The following PIK3C3 variants were observed in gnomAD, a reference collection of about 807,000 sequenced individuals.
PIK3C3 encodes PI3-kinase type 3.
A neutral mutation model predicts 126.1 loss-of-function variants in PIK3C3; 95 were observed. That is an observed-to-expected ratio of 0.75 (90% CI 0.64 to 0.89). The LOEUF (loss-of-function observed/expected upper bound fraction) is 0.89. Ranked by LOEUF, PIK3C3 falls within the 40% of genes least tolerant of loss-of-function variation. The probability of loss-of-function intolerance (pLI) is 0.00; values close to 1 mark genes in which losing one functional copy is unlikely to be tolerated. For missense variants in PIK3C3, 829 were observed against 1,063.2 expected, an observed-to-expected ratio of 0.78 and a Z score of 3.06; for synonymous variants, 374 against 360.0, an observed-to-expected ratio of 1.04 and a Z score of -0.44.
At chr18:42,025,605 C>T (rs1458668816) in intron 13 of PIK3C3, 1 of 152,092 alleles carries the variant, frequency 6.6e-6, no homozygotes, top group African/African-American at 2.4e-5. Context: ...ATTGTTAGTA[C>T]CTTCGATAGA....
intron 24 of PIK3C3, among the ~76,000 whole-genome samples, chr18:42,075,305 A>AT (rs1985933878): frequency 6.6e-6 from 1 of 152,142 alleles, no homozygotes; most frequent in Non-Finnish European, 1.5e-5. Context: ...AAAACAAATT[A>AT]TTTTTAATTT....
At chr18:42,006,445 C>T (rs144393994) in intron 10 of PIK3C3, among the ~76,000 whole-genome samples, 4 of 152,238 alleles carry the variant, frequency 2.6e-5, no homozygotes, top group African/African-American at 9.6e-5. Flanking sequence ...AGTCAATCTT[C>T]AGTTCTCTCT....
chr18:42,076,115 TATATATGC>T (rs1380703826), intron 24 of PIK3C3, among the ~76,000 whole-genome samples: 2 of 73,800 alleles, frequency 2.7e-5, no homozygotes, highest in South Asian at 3.1e-4. Context: ...TATATATATA[TATATATGC>T]GCATATATAT....
At chr18:42,016,591 C>A (rs1257191049) in intron 12 of PIK3C3, among the ~76,000 whole-genome samples, 1 of 152,136 alleles carries the variant, frequency 6.6e-6, no homozygotes, top group Non-Finnish European at 1.5e-5. Flanking sequence ...AAAGTAACAT[C>A]CCTCTAAAAG....
rs997158287 is a variant in PIK3C3, at chr18:42,086,356, T to C, written c.*5219T>C. ...GCATTTCCCCAAACCTCAGAACTCC[T>C]TGGGCCATCACTGTCAGAGACATTT... is the stretch of plus-strand genomic sequence containing the variant. On this transcript the variant is annotated 3_prime_UTR_variant, in exon 25 of 25. Coordinates refer to ENST00000262039, the MANE Select transcript of PIK3C3 (RefSeq NM_002647.4). 3 of 152,268 alleles carry C rather than the reference T, an allele frequency of 2.0e-5. No individual in the cohort carries two copies. The highest frequency in any genetic ancestry group is 7.2e-5 in the African/African-American group (3 of 41,416). The allele number at this position is 152,268 out of a possible 1,614,324, so 9.4% of individuals were successfully genotyped here.
intron 9 of PIK3C3, among the ~76,000 whole-genome samples, chr18:42,002,942 G>A (rs75082420): frequency 4.5e-4 from 68 of 152,298 alleles, no homozygotes; most frequent in African/African-American, 1.6e-3. Flanking sequence ...AGGGGAATGG[G>A]ACTAACTAGG....
rs1986425016 is a variant in PIK3C3, at chr18:42,087,633, A to T, written c.*6496A>T. ...AAAAAGCCTTACCGAGGACTCCCATACCCTTGCTTTCTGCTTAAGTGATTT... is the reference window on the plus strand; with the variant it reads ...AAAAAGCCTTACCGAGGACTCCCATTCCCTTGCTTTCTGCTTAAGTGATTT... On this transcript the variant is annotated 3_prime_UTR_variant, in exon 25 of 25. Transcript: ENST00000262039. 6.6e-6 allele frequency: 1 copy of T among 152,076 alleles called. No individual in the cohort carries two copies. Among genetic ancestry groups the T allele is most frequent in the Non-Finnish European group, 1.5e-5 (1 of 68,024 alleles). The allele number at this position is 152,076 out of a possible 1,614,324, so 9.4% of individuals were successfully genotyped here.
rs1050435248 is a variant in PIK3C3, at chr18:42,086,818, G to A, written c.*5681G>A. 3 of 152,112 alleles carry A rather than the reference G, an allele frequency of 2.0e-5. No homozygotes were observed. Among genetic ancestry groups the A allele is most frequent in the Non-Finnish European group, 4.4e-5 (3 of 68,012 alleles). 9.4% of individuals were successfully genotyped at this position (152,112 alleles called of 1,614,324 possible). On this transcript the variant is annotated 3_prime_UTR_variant, in exon 25 of 25. Transcript: ENST00000262039. ...ATCAAGAAATAATCATTAAAAAATAGCCAACCAGCAGCTCATGCTGCTGGT... is the reference window on the plus strand; with the variant it reads ...ATCAAGAAATAATCATTAAAAAATAACCAACCAGCAGCTCATGCTGCTGGT...
intron 4 of PIK3C3, among the ~76,000 whole-genome samples, chr18:41,984,322 G>A (rs1282235981): frequency 3.3e-5 from 5 of 151,942 alleles, no homozygotes; most frequent in African/African-American, 1.2e-4. Context: ...AAGTTGCTTT[G>A]AACTGATGAA....
At chr18:41,979,760 G>C (rs1032474881) in intron 4 of PIK3C3, among the ~76,000 whole-genome samples, 1 of 151,960 alleles carries the variant, frequency 6.6e-6, no homozygotes, top group Admixed American at 6.6e-5. Flanking sequence ...CTGAATTACA[G>C]CTCTCACTGA....
At chr18:42,032,042 G>C (rs952764957) in intron 15 of PIK3C3, among the ~76,000 whole-genome samples, 2 of 152,234 alleles carry the variant, frequency 1.3e-5, no homozygotes, top group South Asian at 4.1e-4. Context: ...GGCAGTACTT[G>C]TGTCCAGTAG....
chr18:41,993,969 C>T (rs1013054729), intron 7 of PIK3C3, among the ~76,000 whole-genome samples: 1 of 152,140 alleles, frequency 6.6e-6, no homozygotes, highest in African/African-American at 2.4e-5. Context: ...CTTTTAGCAG[C>T]ACGATAGTTA....
intron 6 of PIK3C3, among the ~76,000 whole-genome samples, chr18:41,991,746 C>T (rs540949528): frequency 1.6e-4 from 25 of 152,122 alleles, no homozygotes; most frequent in African/African-American, 5.1e-4. Context: ...ATCCCTTTCA[C>T]GTTAGTGAAA....
intron 16 of PIK3C3, among the ~76,000 whole-genome samples, chr18:42,036,053 A>G (rs900541751): frequency 6.6e-6 from 1 of 152,198 alleles, no homozygotes; most frequent in African/African-American, 2.4e-5. Context: ...CCTGTCATTT[A>G]TCTTTAGGAA....
chr18:42,030,649 T>A (rs1983780327), intron 15 of PIK3C3, among the ~76,000 whole-genome samples: 1 of 152,182 alleles, frequency 6.6e-6, no homozygotes, highest in Non-Finnish European at 1.5e-5. Flanking sequence ...TCTGTTGAGT[T>A]GACATTTTCT....
chr18:41,955,487 G>C, intron 1 of PIK3C3, 128 bp downstream of exon 1: 2 of 766,594 alleles, frequency 2.6e-6, no homozygotes, highest in Non-Finnish European at 2.2e-6. Flanking sequence ...GCGGCTGTGA[G>C]GGCTGTAGCC....
chr18:42,049,668 C>A, intron 21 of PIK3C3, 63 bp downstream of exon 21: 1 of 1,266,096 alleles, frequency 7.9e-7, no homozygotes, highest in South Asian at 1.2e-5. Context: ...ACCCCTGAAT[C>A]TATGTACTAA....
chr18:42,005,397 T>C (rs1299262620), intron 10 of PIK3C3, among the ~76,000 whole-genome samples: 1 of 152,220 alleles, frequency 6.6e-6, no homozygotes. Context: ...TGTGGTCCTG[T>C]CTTGGCTGAA....
intron 22 of PIK3C3, among the ~76,000 whole-genome samples, chr18:42,058,849 G>A (rs1985188977): frequency 6.6e-6 from 1 of 152,132 alleles, no homozygotes; most frequent in Non-Finnish European, 1.5e-5. Context: ...GCCCAACTAT[G>A]CAAAATGAAC....
Sources: gnomAD v4.1 joint callset for allele counts (sites outside exome capture counted in the v4.1 genomes callset) on GRCh38, gnomAD v4.1.1 for gene constraint, MANE v1.5 for transcripts, NCBI Gene and HGNC (gene_info 2026-07-23, HGNC 2026-07-21) for gene names.